NELL1: variants seen among roughly 807,000 people sequenced by gnomAD.
NELL1 encodes the protein neural EGFL like 1, also known as protein kinase C-binding protein NELL1.
A neutral mutation model predicts 107.4 loss-of-function variants in NELL1; 76 were observed. That is an observed-to-expected ratio of 0.71 (90% CI 0.59 to 0.86). The LOEUF (loss-of-function observed/expected upper bound fraction) is 0.86. Among genes scored for constraint, NELL1 ranks in the 40% least tolerant of loss-of-function variants. The pLI is 0.00. For synonymous variants in NELL1, 353 were observed against 341.2 expected, an observed-to-expected ratio of 1.03 and a Z score of -0.38; for missense variants, 1,024 against 1,005.5, an observed-to-expected ratio of 1.02 and a Z score of -0.25.
chr11:21,433,308 G>A (rs1226186576), intron 15 of NELL1, among the ~76,000 whole-genome samples: 1 of 152,148 alleles, frequency 6.6e-6, no homozygotes, highest in Non-Finnish European at 1.5e-5. Flanking sequence ...TTACGTAATG[G>A]TGGCTATTGT....
chr11:20,784,348 G>T (rs541792874), intron 3 of NELL1, among the ~76,000 whole-genome samples: 1 of 152,320 alleles, frequency 6.6e-6, no homozygotes, highest in East Asian at 1.9e-4. Context: ...TGGTAGCCAA[G>T]AAATGCTTTG....
intron 14 of NELL1, among the ~76,000 whole-genome samples, chr11:21,336,947 A>T (rs948145226): frequency 1.3e-5 from 2 of 152,056 alleles, no homozygotes; most frequent in African/African-American, 4.8e-5. Flanking sequence ...ATTTGAGACC[A>T]ATTTTGCATG....
intron 12 of NELL1, among the ~76,000 whole-genome samples, chr11:20,981,690 C>A (rs1443822495): frequency 6.6e-6 from 1 of 152,116 alleles, no homozygotes; most frequent in Non-Finnish European, 1.5e-5. Flanking sequence ...CTTCTGATTT[C>A]TCTTATATCA....
At chr11:20,778,185 A>G (rs183586536) in intron 2 of NELL1, among the ~76,000 whole-genome samples, 16 of 151,994 alleles carry the variant, frequency 1.1e-4, no homozygotes, top group African/African-American at 2.9e-4. Flanking sequence ...GTTATCCCCA[A>G]TCTCTATGGG....
At chr11:20,928,338 A>T in intron 8 of NELL1, 39 bp from the exon 9 acceptor site, 1 of 1,547,646 alleles carries the variant, frequency 6.5e-7, no homozygotes, top group East Asian at 2.2e-5. Flanking sequence ...CTATCAAAGG[A>T]TACTTCTGAG....
intron 12 of NELL1, among the ~76,000 whole-genome samples, chr11:21,111,124 C>G (rs1312654398): frequency 6.6e-6 from 1 of 152,084 alleles, no homozygotes; most frequent in East Asian, 1.9e-4. Flanking sequence ...ACCATCACTA[C>G]CAGAGAGAAT....
At chr11:21,199,619 G>A (rs1402724688) in intron 13 of NELL1, among the ~76,000 whole-genome samples, 7 of 151,904 alleles carry the variant, frequency 4.6e-5, no homozygotes, top group African/African-American at 7.3e-5. Flanking sequence ...TGATATATTG[G>A]TTACTGTGCA....
At chr11:20,901,705 T>A (rs1278145135) in intron 5 of NELL1, among the ~76,000 whole-genome samples, 2 of 151,848 alleles carry the variant, frequency 1.3e-5, no homozygotes, top group African/African-American at 2.4e-5. Context: ...ATTGTAAAGT[T>A]ATAGCAATCA....
intron 14 of NELL1, chr11:21,260,452 G>C (rs905016916): frequency 4.6e-5 from 7 of 151,916 alleles, no homozygotes; most frequent in Non-Finnish European, 1.0e-4. Flanking sequence ...CAGTGGCTTA[G>C]AGCATCCTGA....
chr11:21,064,821 A>G (rs1293561531), intron 12 of NELL1, among the ~76,000 whole-genome samples: 1 of 152,208 alleles, frequency 6.6e-6, no homozygotes, highest in Non-Finnish European at 1.5e-5. Flanking sequence ...TGCTATAAAA[A>G]TTGTAAAGCA....
chr11:21,240,742 C>G (rs186600536), intron 14 of NELL1, among the ~76,000 whole-genome samples: 5 of 130,364 alleles, frequency 3.8e-5, no homozygotes, highest in South Asian at 4.7e-4. Context: ...CTTTAATATT[C>G]CTTTCCTTCA....
chr11:20,890,813 GA>G (rs1286251501), intron 5 of NELL1, among the ~76,000 whole-genome samples: 2 of 151,978 alleles, frequency 1.3e-5, no homozygotes, highest in African/African-American at 4.8e-5. Flanking sequence ...ATAAAGAAAA[GA>G]GAATGAAAAG....
chr11:21,317,520 C>G (rs1849904951), intron 14 of NELL1, among the ~76,000 whole-genome samples: 1 of 56,018 alleles, frequency 1.8e-5, no homozygotes, highest in Non-Finnish European at 3.7e-5. Context: ...GGCACTCACA[C>G]TAAGCATTCT....
intron 12 of NELL1, among the ~76,000 whole-genome samples, chr11:21,071,646 A>G (rs1046101059): frequency 4.6e-5 from 7 of 152,216 alleles, no homozygotes; most frequent in Non-Finnish European, 7.3e-5. Flanking sequence ...AACTTTGAGA[A>G]TAATCTGACT....
At chr11:21,092,528 C>G (rs1205031640) in intron 12 of NELL1, among the ~76,000 whole-genome samples, 1 of 151,826 alleles carries the variant, frequency 6.6e-6, no homozygotes, top group African/African-American at 2.4e-5. Flanking sequence ...TGTGTATTTC[C>G]TAAAATGATA....
chr11:21,094,221 A>G (rs1055385616), intron 12 of NELL1, among the ~76,000 whole-genome samples: 3 of 152,182 alleles, frequency 2.0e-5, no homozygotes, highest in Admixed American at 2.0e-4. Flanking sequence ...TAAAATTCCA[A>G]AGTGATCTCC....
chr11:20,968,941 G>A (rs34357398), intron 12 of NELL1, among the ~76,000 whole-genome samples: 10,867 of 152,202 alleles, frequency 0.071, 526 homozygotes, highest in Middle Eastern at 0.21. Flanking sequence ...GGTAAATTTC[G>A]TCTAGCTGTG....
At chr11:21,040,007 A>G (rs1486756190) in intron 12 of NELL1, among the ~76,000 whole-genome samples, 1 of 152,166 alleles carries the variant, frequency 6.6e-6, no homozygotes, top group Non-Finnish European at 1.5e-5. Flanking sequence ...TATTTTGAAC[A>G]TGGTGGAAAA....
chr11:21,547,687 C>A (rs1288134264), intron 16 of NELL1, among the ~76,000 whole-genome samples: 3 of 151,896 alleles, frequency 2.0e-5, no homozygotes, highest in African/African-American at 7.2e-5. Flanking sequence ...CTTCAAATGA[C>A]TTTCTTCTGA....
Sources: allele counts gnomAD v4.1 joint callset (sites outside exome capture counted in the v4.1 genomes callset), GRCh38; gene constraint gnomAD v4.1.1; transcripts MANE v1.5; gene names NCBI Gene and HGNC (gene_info 2026-07-23, HGNC 2026-07-21).